Variants in DOCK1 observed in about 807,000 individuals in gnomAD.
DOCK1 encodes the protein dedicator of cytokinesis protein 1.
In DOCK1, 138 loss-of-function variants were observed where a neutral mutation model predicts 262.7. That is an observed-to-expected ratio of 0.53 (90% CI 0.46 to 0.61). The LOEUF is 0.61. DOCK1 is among the 20% of genes least tolerant of loss of function. DOCK1 has a pLI of 0.00. For missense variants in DOCK1, 1,908 were observed against 2,370.7 expected (o/e 0.80, Z 4.05); for synonymous variants, 866 against 867.4 (o/e 1.00, Z 0.03).
At chr10:127,314,358 C>A (rs373080498) in intron 29 of DOCK1, among the ~76,000 whole-genome samples, 7 of 152,292 alleles carry the variant, frequency 4.6e-5, no homozygotes, top group African/African-American at 1.7e-4. Flanking sequence ...TACCTGGAGA[C>A]CAGTAGTGGC....
intron 1 of DOCK1, among the ~76,000 whole-genome samples, chr10:126,952,416 T>C (rs963057285): frequency 2.0e-5 from 3 of 151,798 alleles, no homozygotes; most frequent in Admixed American, 1.3e-4. Context: ...TTGTTGGTAG[T>C]GTTGGTGATG....
At chr10:127,035,945 T>C (rs1274192125) in intron 18 of DOCK1, among the ~76,000 whole-genome samples, 2 of 151,728 alleles carry the variant, frequency 1.3e-5, no homozygotes, top group East Asian at 3.9e-4. Context: ...GAGGCTGCAT[T>C]GAGCTGTGGT....
chr10:126,914,827 C>T (rs77098290), intron 1 of DOCK1, among the ~76,000 whole-genome samples: 5,470 of 152,212 alleles, frequency 0.036, 216 homozygotes, highest in African/African-American at 0.089. Context: ...TCAAAGTGGG[C>T]GGTGGGGAGG....
rs556334347 is a variant in DOCK1 at position 127,298,693 on chromosome 10, G to T, written c.3045-40313G>T. ...GGAAGACACATAAAAATTGTTAGCA[G>T]TTGATTTCGCAGGAAACACCTAGCA... On this transcript the variant is annotated intron_variant, in intron 29 of 51. Coordinates refer to ENST00000623213, the MANE Select transcript of DOCK1 (RefSeq NM_001290223.2). Among the ~76,000 whole-genome samples, 161 of 152,228 alleles carry T rather than the reference G, an allele frequency of 1.1e-3. 2 individuals are homozygous for T. Among genetic ancestry groups the T allele is most frequent in the African/African-American group, 3.7e-3 (152 of 41,510 alleles).
rs2063314875 is a variant in DOCK1 at position 127,339,048 on chromosome 10, C to T, written c.3087C>T (p.Asn1029=). The T allele has an allele frequency of 6.3e-7, 1 of 1,581,706 alleles. No homozygotes were observed. The highest frequency in any genetic ancestry group is 1.3e-5 in the African/African-American group (1 of 74,274). The change falls in exon 30 of 52, where the codon AAC becomes AAT. Residue 1029 remains asparagine (N), a synonymous_variant. Coordinates refer to ENST00000623213, the MANE Select transcript of DOCK1 (RefSeq NM_001290223.2). ...TTAATCAGTATGCAGATATGCTGAACAAAAAATTTCTGGATCAAGCCAACT... is the reference window on the plus strand; with the variant it reads ...TTAATCAGTATGCAGATATGCTGAATAAAAAATTTCTGGATCAAGCCAACT... ...RAINQYADML[N]KKFLDQANFE...
At chr10:127,094,998 T>C (rs986127568) in intron 23 of DOCK1, among the ~76,000 whole-genome samples, 1 of 152,246 alleles carries the variant, frequency 6.6e-6, no homozygotes, top group African/African-American at 2.4e-5. Flanking sequence ...TTTAGCTAGA[T>C]GACTGTGCTG....
intron 1 of DOCK1, among the ~76,000 whole-genome samples, chr10:126,943,255 A>C (rs1393234525): frequency 6.6e-6 from 1 of 152,228 alleles, no homozygotes; most frequent in Non-Finnish European, 1.5e-5. Context: ...TCCATCTCAA[A>C]AAATAAAAAC....
rs79264212 is a variant in DOCK1, at chr10:127,296,271, C to T, written c.3044+38842C>T. On this transcript the variant is annotated intron_variant, in intron 29 of 51. Transcript: ENST00000623213. ...AATGCAACAAAGCATCACAGTTACTCACAAGGGAAGGCAGGGGAGGAGGGG... is the reference window on the plus strand; with the variant it reads ...AATGCAACAAAGCATCACAGTTACTTACAAGGGAAGGCAGGGGAGGAGGGG... Among the ~76,000 whole-genome samples, 487 of 152,282 alleles carry T rather than the reference C, an allele frequency of 3.2e-3. 1 individual carries two copies. Among genetic ancestry groups the T allele is most frequent in the Middle Eastern group, 0.01 (3 of 294 alleles).
chr10:127,439,345 C>G, intron 49 of DOCK1, 120 bp downstream of exon 49: 1 of 1,080,790 alleles, frequency 9.3e-7, no homozygotes, highest in East Asian at 2.6e-5. Flanking sequence ...ATTAGCAACT[C>G]AGAAACCTGG....
At chr10:127,445,287 G>A (rs10765100) in intron 50 of DOCK1, among the ~76,000 whole-genome samples, 49,988 of 151,996 alleles carry the variant, frequency 0.33, 8,543 homozygotes, top group East Asian at 0.44. Flanking sequence ...CCAGGCAGGA[G>A]AGCTCTGTGC....
intron 17 of DOCK1, 140 bp from the exon 18 acceptor site, chr10:127,031,997 G>C (rs1269716801): frequency 1.8e-6 from 2 of 1,133,682 alleles, no homozygotes; most frequent in Non-Finnish European, 2.5e-6. Context: ...GCAGTAATAA[G>C]GGAAATTATT....
At chr10:126,907,918 A>G (rs187510524) in intron 1 of DOCK1, among the ~76,000 whole-genome samples, 2 of 152,334 alleles carry the variant, frequency 1.3e-5, no homozygotes, top group African/African-American at 4.8e-5. Context: ...AAAAAATAGA[A>G]AACTGTTGGA....
chr10:127,040,674 A>T (rs1190663221), intron 19 of DOCK1, among the ~76,000 whole-genome samples: 1 of 152,204 alleles, frequency 6.6e-6, no homozygotes, highest in African/African-American at 2.4e-5. Context: ...ACAGTCCAGG[A>T]GGAATCTGAA....
chr10:127,371,961 A>T (rs550598971), intron 33 of DOCK1, among the ~76,000 whole-genome samples: 1 of 152,222 alleles, frequency 6.6e-6, no homozygotes, highest in African/African-American at 2.4e-5. Context: ...AATCTAAAGC[A>T]ATTCATTCCT....
intron 1 of DOCK1, among the ~76,000 whole-genome samples, chr10:126,939,214 C>T (rs1429679254): frequency 6.6e-6 from 1 of 152,124 alleles, no homozygotes; most frequent in African/African-American, 2.4e-5. Context: ...GGCCTGATTC[C>T]ATCCGTGAAG....
intron 29 of DOCK1, among the ~76,000 whole-genome samples, chr10:127,285,058 A>G (rs2061099179): frequency 1.3e-5 from 2 of 152,178 alleles, no homozygotes; most frequent in South Asian, 4.1e-4. Flanking sequence ...GGATTGCTTG[A>G]GCCCAGGAGG....
At chr10:127,122,616 G>T (rs1373481089) in intron 25 of DOCK1, among the ~76,000 whole-genome samples, 1 of 144,966 alleles carries the variant, frequency 6.9e-6, no homozygotes, top group African/African-American at 2.5e-5. Context: ...GGTCTATCAG[G>T]ATGGTTATAA....
chr10:127,114,250 A>G (rs909188304), intron 25 of DOCK1, among the ~76,000 whole-genome samples: 1 of 152,136 alleles, frequency 6.6e-6, no homozygotes, highest in Admixed American at 6.5e-5. Context: ...ATGGATATTT[A>G]TTGAATGAAT....
chr10:127,028,529 G>C (rs2043032195), intron 16 of DOCK1, among the ~76,000 whole-genome samples: 1 of 152,230 alleles, frequency 6.6e-6, no homozygotes. Context: ...CACCCAGGTA[G>C]TCAGTGGAAG....
Sources: gnomAD v4.1 joint callset for allele counts (sites outside exome capture counted in the v4.1 genomes callset) on GRCh38, gnomAD v4.1.1 for gene constraint, MANE v1.5 for transcripts, NCBI Gene and HGNC (gene_info 2026-07-23, HGNC 2026-07-21) for gene names.